DCPS: variants seen among roughly 807,000 people sequenced by gnomAD.
DCPS encodes decapping enzyme, scavenger.
In DCPS, 27 loss-of-function variants were observed where a neutral mutation model predicts 34.7. That is an observed-to-expected ratio of 0.78 (90% confidence interval 0.57 to 1.07). The LOEUF is 1.07. DCPS is among the 50% of genes least tolerant of loss of function. DCPS has a pLI of 0.00. For missense variants in DCPS, 464 were observed against 436.9 expected, an observed-to-expected ratio of 1.06 and a Z score of -0.55; for synonymous variants, 185 against 185.7, an observed-to-expected ratio of 1.00 and a Z score of 0.03.
chr11:126,307,411 A>AAT (rs200875193), intron 2 of DCPS, among the ~76,000 whole-genome samples: 4 of 151,122 alleles, frequency 2.6e-5, no homozygotes, highest in Non-Finnish European at 4.4e-5. Context: ...GGGATAGAAT[A>AAT]ATATATATAT....
intron 1 of DCPS, among the ~76,000 whole-genome samples, chr11:126,305,357 C>T (rs562318708): frequency 3.3e-5 from 5 of 149,982 alleles, no homozygotes; most frequent in East Asian, 3.9e-4. Flanking sequence ...TCAGGTGATC[C>T]GCCTGCCTCT....
Position 126,321,252 on chromosome 11 carries a change from CAA to C in DCPS, c.377-10134_377-10133del, listed in dbSNP as rs776121972. 6.8e-3 allele frequency among the ~76,000 whole-genome samples: 666 copies of C among 97,510 alleles called. 6 individuals carry two copies. Among genetic ancestry groups the C allele is most frequent in the African/African-American group, 0.023 (607 of 26,272 alleles). 64.0% of individuals were successfully genotyped at this position (97,510 alleles called of 152,430 possible). A position where few individuals can be genotyped will look rare whatever the true frequency, so the allele number is the denominator to read the frequency against. ...CCTGGGTGATAGTGGGACCTTGTCT[CAA>C]AAAAAAAAAAAAAAAAAATCACACG... On this transcript the variant is annotated intron_variant, in intron 2 of 5. Transcript: ENST00000263579.
rs543859104 is a variant in DCPS, at chr11:126,320,266, T to A, written c.377-11139T>A. Among the ~76,000 whole-genome samples the A allele has an allele frequency of 6.6e-6, 1 of 152,302 alleles. No individual in the cohort carries two copies. The highest frequency in any genetic ancestry group is 2.4e-5 in the African/African-American group (1 of 41,550). On this transcript the variant is annotated intron_variant, in intron 2 of 5. Coordinates refer to ENST00000263579, the MANE Select transcript of DCPS (RefSeq NM_014026.6). This position sits in a 1 kb window ranked among gnomAD's most constrained non-coding sequence, Gnocchi z 4.7. ...TATCTTAGGCACTGCACACACAGTG[T>A]ACGAAACAGAGTCCCTGCTCTCGTG...
chr11:126,314,150 G>T (rs2936613), intron 2 of DCPS, among the ~76,000 whole-genome samples: 29,332 of 152,120 alleles, frequency 0.19, 3,916 homozygotes, highest in East Asian at 0.64. Flanking sequence ...CTTTGTGTCC[G>T]TATGTCCTCA....
rs1951944343 is a variant in DCPS at position 126,347,424 on chromosome 11, A to G, written c.*1811A>G. On this transcript the variant is annotated 3_prime_UTR_variant, in exon 6 of 6. Transcript: ENST00000263579. The surrounding 1 kb of genome is among the most constrained non-coding windows in gnomAD (Gnocchi z 4.2). ...TTTTTAGTAGAGACGGGGTTTCACC[A>G]TGTTGGCCAGGCTGGTCTCCAACTC... Among the ~76,000 whole-genome samples, 1 of 151,968 alleles carries G rather than the reference A, an allele frequency of 6.6e-6. No individual in the cohort carries two copies. The highest frequency in any genetic ancestry group is 1.5e-5 in the Non-Finnish European group (1 of 67,970).
rs112209917 is a variant in DCPS, at chr11:126,333,865, T to TTCTCTCTCTCTC, written c.522+2331_522+2342dup. Among the ~76,000 whole-genome samples, 2 of 149,212 alleles carry TTCTCTCTCTCTC rather than the reference T, an allele frequency of 1.3e-5. No individual in the cohort carries two copies. Among genetic ancestry groups the TTCTCTCTCTCTC allele is most frequent in the South Asian group, 4.2e-4 (2 of 4,730 alleles). On this transcript the variant is annotated intron_variant, in intron 3 of 5. Transcript: ENST00000263579. This position sits in a 1 kb window ranked among gnomAD's most constrained non-coding sequence, Gnocchi z 5.7. ...ACGCTTCAGGGAGTGGAGCTGGGAA[T>TTCTCTCTCTCTC]TCTCTCTCTCTCTCTCTCTCTCTCT...
rs1249448527 is a variant in DCPS, at chr11:126,338,353, C to A, written c.590C>A (p.Ser197Tyr). 6.2e-7 allele frequency: 1 copy of A among 1,614,194 alleles called. No homozygotes were observed. The highest frequency in any genetic ancestry group is 1.7e-5 in the Admixed American group (1 of 60,018). ...DRIVFENPDP[S>Y]DGFVLIPDLK... Reference sequence around the variant, plus strand: ...ATTGTTTTCGAGAACCCAGATCCCTCTGATGGTTTTGTCCTCATCCCTGAC... The same window carrying A: ...ATTGTTTTCGAGAACCCAGATCCCTATGATGGTTTTGTCCTCATCCCTGAC... Residue 197 changes from serine to tyrosine, a missense_variant, in exon 4 of 6, where the codon TCT becomes TAT. Physicochemically the swap from Ser to Tyr is moderately radical, Grantham distance 144. Coordinates refer to ENST00000263579, the MANE Select transcript of DCPS (RefSeq NM_014026.6). This position sits in a 1 kb window ranked among gnomAD's most constrained non-coding sequence, Gnocchi z 5.4.
chr11:126,345,719 A>G lies in DCPS; in HGVS notation c.*106A>G, dbSNP rs1951920107. On this transcript the variant is annotated 3_prime_UTR_variant, in exon 6 of 6. Transcript: ENST00000263579. The surrounding 1 kb of genome is among the most constrained non-coding windows in gnomAD (Gnocchi z 7.4). ...CTAAAAATGTATTTTATACCGGCTT[A>G]TTCCTAGTATTGAATAAACTAGCGG... 6.7e-7 allele frequency: 1 copy of G among 1,496,852 alleles called. No homozygotes were observed. Among genetic ancestry groups the G allele is most frequent in the African/African-American group, 1.4e-5 (1 of 72,118 alleles). The allele number at this position is 1,496,852 out of a possible 1,614,324, so 92.7% of individuals were successfully genotyped here.
chr11:126,341,589 C>G (rs1951876168), intron 4 of DCPS: 1 of 152,188 alleles, frequency 6.6e-6, no homozygotes, highest in African/African-American at 2.4e-5. Flanking sequence ...TGTCAGCAGA[C>G]ATCATCTAAA....
At chr11:126,343,060 ACT>A (rs1374236703) in intron 4 of DCPS, among the ~76,000 whole-genome samples, 2 of 103,892 alleles carry the variant, frequency 1.9e-5, no homozygotes, top group Non-Finnish European at 3.8e-5. Flanking sequence ...ACAGAGCGAG[ACT>A]CTGTCAAAAA....
intron 2 of DCPS, among the ~76,000 whole-genome samples, chr11:126,314,059 C>T (rs542244114): frequency 1.3e-5 from 2 of 152,180 alleles, no homozygotes; most frequent in Non-Finnish European, 2.9e-5. Context: ...TGTGGACTTT[C>T]ATTTCTGCAG....
rs1246859336 is a variant in DCPS at position 126,325,205 on chromosome 11, AAAC to A, written c.377-6198_377-6196del. Among the ~76,000 whole-genome samples the A allele has an allele frequency of 2.3e-5, 1 of 44,182 alleles. No individual in the cohort carries two copies. Among genetic ancestry groups the A allele is most frequent in the Non-Finnish European group, 3.6e-5 (1 of 28,058 alleles). 29.0% of individuals were successfully genotyped at this position (44,182 alleles called of 152,430 possible). A position where few individuals can be genotyped will look rare whatever the true frequency, so the allele number is the denominator to read the frequency against. On this transcript the variant is annotated intron_variant, in intron 2 of 5. Transcript: ENST00000263579. This position sits in a 1 kb window ranked among gnomAD's most constrained non-coding sequence, Gnocchi z 4.3. ...CAGTTTCGAAAAAAGAAAAAAAATT[AAAC>A]AGTAAAAATGTAATGACTTATTCCA... is the stretch of plus-strand genomic sequence containing the variant.
At chr11:126,321,313 G>A (rs1951705210) in intron 2 of DCPS, among the ~76,000 whole-genome samples, 1 of 151,828 alleles carries the variant, frequency 6.6e-6, no homozygotes, top group South Asian at 2.1e-4. Flanking sequence ...AGAGATTCAA[G>A]GTACAGCTGA....
rs933178979 is a variant in DCPS at position 126,324,469 on chromosome 11, T to G, written c.377-6936T>G. ...TGTTCATGTGCCTGTTGAGTTTTTT[T>G]TTTTAGACAGGGTCTCACTCTGTCC... On this transcript the variant is annotated intron_variant, in intron 2 of 5. Transcript: ENST00000263579. Among the ~76,000 whole-genome samples the G allele has an allele frequency of 1.1e-4, 17 of 152,068 alleles. 1 individual carries two copies. In the South Asian group the frequency reaches 3.3e-3, roughly 30 times the overall value.
rs1951624205 is a variant in DCPS, at chr11:126,312,419, A to G, written c.376+5675A>G. ...AGTGGTGCGATCTCGGCTCACTGCA[A>G]CCTCCACCTCCCGGGTTCAAGCCAT... is the stretch of plus-strand genomic sequence containing the variant. On this transcript the variant is annotated intron_variant, in intron 2 of 5. Transcript: ENST00000263579. This position sits in a 1 kb window ranked among gnomAD's most constrained non-coding sequence, Gnocchi z 5.1. 6.6e-6 allele frequency among the ~76,000 whole-genome samples: 1 copy of G among 151,008 alleles called. No individual in the cohort carries two copies. The highest frequency in any genetic ancestry group is 2.4e-5 in the African/African-American group (1 of 41,062).
intron 1 of DCPS, among the ~76,000 whole-genome samples, chr11:126,305,358 G>T (rs1425693654): frequency 2.9e-5 from 4 of 139,638 alleles, no homozygotes; most frequent in South Asian, 2.3e-4. Flanking sequence ...CAGGTGATCC[G>T]CCTGCCTCTG....
rs1951938193 is a variant in DCPS, at chr11:126,347,056, G to A, written c.*1443G>A. Among the ~76,000 whole-genome samples the A allele has an allele frequency of 6.6e-6, 1 of 151,280 alleles. No individual in the cohort carries two copies. On this transcript the variant is annotated 3_prime_UTR_variant, in exon 6 of 6. Coordinates refer to ENST00000263579, the MANE Select transcript of DCPS (RefSeq NM_014026.6). This position sits in a 1 kb window ranked among gnomAD's most constrained non-coding sequence, Gnocchi z 4.2. ...CGTGAGCCACCGCACTTTGGCCTGG[G>A]TGACAGAGCAAGACTCCCTCTCAGA... is the stretch of plus-strand genomic sequence containing the variant.
intron 1 of DCPS, 80 bp from the exon 2 acceptor site, chr11:126,306,490 C>T: frequency 2.1e-6 from 3 of 1,407,870 alleles, no homozygotes; most frequent in Non-Finnish European, 2.8e-6. Flanking sequence ...AATTCAAAGG[C>T]CCTGGGAGCT....
chr11:126,306,388 C>G (rs1238817474), intron 1 of DCPS, among the ~76,000 whole-genome samples, 182 bp from the exon 2 acceptor site: 1 of 151,956 alleles, frequency 6.6e-6, no homozygotes, highest in African/African-American at 2.4e-5. Flanking sequence ...AAAAAAGATG[C>G]CTTCTCTGAG....
Sources: allele counts gnomAD v4.1 joint callset (sites outside exome capture counted in the v4.1 genomes callset), GRCh38; gene constraint gnomAD v4.1.1; non-coding constraint Gnocchi (gnomAD v3.1); transcripts MANE v1.5; gene names NCBI Gene and HGNC (gene_info 2026-07-23, HGNC 2026-07-21).